Variants in TMCC1 observed in about 807,000 individuals in gnomAD.
TMCC1 encodes the protein transmembrane and coiled-coil domains protein 1.
TMCC1 carries 15 observed loss-of-function variants against 52.4 expected under a neutral mutation model. The observed-to-expected ratio is 0.29, with a 90% confidence interval of 0.19 to 0.44. TMCC1 has a LOEUF of 0.44. Ranked by LOEUF, TMCC1 falls within the 20% of genes least tolerant of loss-of-function variation. TMCC1 has a pLI of 1.00. For missense variants in TMCC1, 503 were observed against 806.0 expected, an observed-to-expected ratio of 0.62 and a Z score of 4.55; for synonymous variants, 279 against 301.9, an observed-to-expected ratio of 0.92 and a Z score of 0.79.
At chr3:129,868,012 C>T (rs1366661994) in intron 2 of TMCC1, among the ~76,000 whole-genome samples, 1 of 152,190 alleles carries the variant, frequency 6.6e-6, no homozygotes, top group Non-Finnish European at 1.5e-5. Flanking sequence ...CATCAAGATA[C>T]TTCCCATAGA....
chr3:129,659,556 A>G lies in TMCC1; in HGVS notation c.1512-4453T>C, dbSNP rs561622597. Among the ~76,000 whole-genome samples, 49 of 152,312 alleles carry G rather than the reference A, an allele frequency of 3.2e-4. 1 individual carries two copies. In the South Asian group the frequency reaches 9.9e-3, roughly 31 times the overall value. ...TGTGAAATATTGGGATTCACTTGGT[A>G]TGTGAGGTGGTGAGGAATATATATG... On this transcript the variant is annotated intron_variant, in intron 5 of 6. Transcript: ENST00000393238.
chr3:129,656,281 G>C (rs1036271106), intron 5 of TMCC1, among the ~76,000 whole-genome samples: 2 of 152,188 alleles, frequency 1.3e-5, no homozygotes, highest in African/African-American at 4.8e-5. Context: ...CTGGTGCCTA[G>C]AATGGAAACC....
chr3:129,866,378 G>GTT (rs1160648900), intron 2 of TMCC1, among the ~76,000 whole-genome samples: 10 of 108,028 alleles, frequency 9.3e-5, no homozygotes, highest in Non-Finnish European at 1.1e-4. Context: ...ATATATATAT[G>GTT]TTTTTTTTTT....
At chr3:129,653,275 C>T (rs745943630) in intron 6 of TMCC1, among the ~76,000 whole-genome samples, 13 of 152,212 alleles carry the variant, frequency 8.5e-5, no homozygotes, top group Non-Finnish European at 1.3e-4. Flanking sequence ...ATTCTTTGAA[C>T]ATGCTTCCTT....
chr3:129,774,989 G>A (rs1428608021), intron 4 of TMCC1, among the ~76,000 whole-genome samples: 2 of 152,130 alleles, frequency 1.3e-5, no homozygotes, highest in Admixed American at 6.5e-5. Flanking sequence ...AGACAGGGGG[G>A]ATAATATAGA....
At chr3:129,729,869 G>C (rs1192078351) in intron 4 of TMCC1, among the ~76,000 whole-genome samples, 1 of 152,128 alleles carries the variant, frequency 6.6e-6, no homozygotes, top group Non-Finnish European at 1.5e-5. Context: ...CAGCACTTTA[G>C]GAGGCTGAGA....
At chr3:129,837,147 T>C (rs1414323030) in intron 2 of TMCC1, among the ~76,000 whole-genome samples, 1 of 152,038 alleles carries the variant, frequency 6.6e-6, no homozygotes, top group Non-Finnish European at 1.5e-5. Flanking sequence ...AGGATACTAT[T>C]GAATCCCCAT....
intron 2 of TMCC1, among the ~76,000 whole-genome samples, chr3:129,874,646 T>C (rs571074851): frequency 1.3e-5 from 2 of 152,180 alleles, no homozygotes; most frequent in Non-Finnish European, 2.9e-5. Flanking sequence ...TGCTTGAGAC[T>C]AGGAGTTCAA....
At chr3:129,793,623 G>T (rs2056620813) in intron 4 of TMCC1, among the ~76,000 whole-genome samples, 1 of 152,190 alleles carries the variant, frequency 6.6e-6, no homozygotes, top group Non-Finnish European at 1.5e-5. Flanking sequence ...ACTGGGTCAA[G>T]GAGGGCTGGC....
intron 4 of TMCC1, among the ~76,000 whole-genome samples, chr3:129,694,799 C>T (rs2047279477): frequency 6.6e-6 from 1 of 152,220 alleles, no homozygotes; most frequent in African/African-American, 2.4e-5. Context: ...CCTGGGGCTG[C>T]TCTGCCTATG....
chr3:129,660,603 C>A (rs1365470546), intron 5 of TMCC1, among the ~76,000 whole-genome samples: 1 of 152,170 alleles, frequency 6.6e-6, no homozygotes, highest in Non-Finnish European at 1.5e-5. Flanking sequence ...TAGATACAAG[C>A]CTCTTTTACT....
At chr3:129,834,900 G>T (rs1178170573) in intron 2 of TMCC1, among the ~76,000 whole-genome samples, 1 of 152,200 alleles carries the variant, frequency 6.6e-6, no homozygotes, top group East Asian at 1.9e-4. Context: ...ACAATTAAAT[G>T]TCATCCATAC....
intron 4 of TMCC1, among the ~76,000 whole-genome samples, chr3:129,771,217 A>G (rs1282817251): frequency 6.6e-6 from 1 of 152,220 alleles, no homozygotes; most frequent in African/African-American, 2.4e-5. Flanking sequence ...GGGAAGGGAA[A>G]AGAAGAATAA....
At chr3:129,843,577 G>A (rs890998443) in intron 2 of TMCC1, among the ~76,000 whole-genome samples, 6 of 151,878 alleles carry the variant, frequency 4.0e-5, no homozygotes. Context: ...TGTTAAAAAA[G>A]AATAATAAAA....
rs1381064432 is a variant in TMCC1 at position 129,826,405 on chromosome 3, G to A, written c.576+1398C>T. Among the ~76,000 whole-genome samples the A allele has an allele frequency of 4.6e-5, 7 of 151,964 alleles. No individual in the cohort carries two copies. In the East Asian group the frequency reaches 9.7e-4, roughly 21 times the overall value. On this transcript the variant is annotated intron_variant, in intron 4 of 6. Coordinates refer to ENST00000393238, the MANE Select transcript of TMCC1 (RefSeq NM_001017395.5). ...GCCTGTAGTACCAGCTACTCAGGAG[G>A]CTGAGGTGGGATGATCACCTGAGTC...
At chr3:129,810,349 C>CA (rs11449887) in intron 4 of TMCC1, among the ~76,000 whole-genome samples, 35,546 of 150,978 alleles carry the variant, frequency 0.24, 6,826 homozygotes, top group East Asian at 0.6. Context: ...CACTGTCTCC[C>CA]AAAAAAAACA....
At position 129,863,482 on chromosome 3, in the gene TMCC1, C is replaced by G. The variant is rs1577131634; in HGVS notation, c.-184+16827G>C. Among the ~76,000 whole-genome samples, 3 of 152,082 alleles carry G rather than the reference C, an allele frequency of 2.0e-5. No individual in the cohort carries two copies. The East Asian group carries it at 5.8e-4, about 29-fold the overall frequency. ...CTCACAGAGATTGAATCCTGAGATT[C>G]TACTGAGAAGGTGAAAAGAAAAAGG... On this transcript the variant is annotated intron_variant, in intron 2 of 6. Transcript: ENST00000393238.
At chr3:129,700,941 T>A (rs1302236734) in intron 4 of TMCC1, among the ~76,000 whole-genome samples, 1 of 152,238 alleles carries the variant, frequency 6.6e-6, no homozygotes, top group Non-Finnish European at 1.5e-5. Flanking sequence ...GAGGCTTTCA[T>A]ATCATTAAAA....
intron 4 of TMCC1, among the ~76,000 whole-genome samples, chr3:129,690,976 C>G (rs2046990941): frequency 6.6e-6 from 1 of 151,996 alleles, no homozygotes; most frequent in Admixed American, 6.6e-5. Context: ...TTCTTAGCTC[C>G]CAAAGGAAAT....
Sources: gnomAD v4.1 joint callset for allele counts (sites outside exome capture counted in the v4.1 genomes callset) on GRCh38, gnomAD v4.1.1 for gene constraint, MANE v1.5 for transcripts, NCBI Gene and HGNC (gene_info 2026-07-23, HGNC 2026-07-21) for gene names.